RECQL: variants seen among roughly 807,000 people sequenced by gnomAD.
The protein encoded by RECQL is ATP-dependent DNA helicase Q1.
In RECQL, 73 loss-of-function variants were observed where a neutral mutation model predicts 75.8. That is an observed-to-expected ratio of 0.96 (90% CI 0.80 to 1.17). RECQL has a LOEUF of 1.17. RECQL is among the 50% of genes most tolerant of loss of function. The probability of loss-of-function intolerance (pLI) is 0.00; values close to 1 mark genes in which losing one functional copy is unlikely to be tolerated. For synonymous variants in RECQL, 248 were observed against 254.4 expected (o/e 0.97, Z 0.24); for missense variants, 699 against 772.1 (o/e 0.91, Z 1.12).
chr12:21,472,055 TAA>T (rs1245099445), intron 12 of RECQL, among the ~76,000 whole-genome samples: 1 of 152,044 alleles, frequency 6.6e-6, no homozygotes, highest in Non-Finnish European at 1.5e-5. Context: ...ACCCAATTAT[TAA>T]GAGACCAGTA....
chr12:21,491,799 G>C lies in RECQL; in HGVS notation c.17-83C>G. On this transcript the variant is annotated intron_variant, in intron 2 of 14. Coordinates refer to ENST00000444129, the MANE Select transcript of RECQL (RefSeq NM_002907.4). ...CCAGATTGATTTCTGGGTGTTGCCC[G>C]CCATATCAATTACAGACAAACTTGA... 2.4e-6 allele frequency: 3 copies of C among 1,232,628 alleles called. No homozygotes were observed. In the South Asian group the frequency reaches 4.6e-5, roughly 19 times the overall value. The allele number at this position is 1,232,628 out of a possible 1,614,324, so 76.4% of individuals were successfully genotyped here. A position where few individuals can be genotyped will look rare whatever the true frequency, so the allele number is the denominator to read the frequency against.
intron 3 of RECQL, among the ~76,000 whole-genome samples, chr12:21,490,803 G>A (rs1174186641): frequency 6.6e-6 from 1 of 152,118 alleles, no homozygotes; most frequent in African/African-American, 2.4e-5. Flanking sequence ...GCAGTGAGTT[G>A]TGGTTGTGCC....
At chr12:21,494,914 T>C (rs1943477370) in intron 2 of RECQL, among the ~76,000 whole-genome samples, 1 of 152,146 alleles carries the variant, frequency 6.6e-6, no homozygotes, top group African/African-American at 2.4e-5. Context: ...GGGCTAACCA[T>C]TGGCAATTGA....
chr12:21,470,952 A>T lies in RECQL; in HGVS notation c.1797+17T>A. On this transcript the variant is annotated intron_variant, in intron 14 of 14. Transcript: ENST00000444129. Reference sequence around the variant, plus strand: ...ACTTTTTAAAATATATAAAACTGAAAATTAATAGCCATTTACCCTGAAAGA... The same window carrying T: ...ACTTTTTAAAATATATAAAACTGAATATTAATAGCCATTTACCCTGAAAGA... 1 of 1,350,306 alleles carries T rather than the reference A, an allele frequency of 7.4e-7. No individual in the cohort carries two copies. The highest frequency in any genetic ancestry group is 9.9e-7 in the Non-Finnish European group (1 of 1,014,116). The allele number at this position is 1,350,306 out of a possible 1,614,324, so 83.6% of individuals were successfully genotyped here.
chr12:21,477,354 GA>G (rs1440036551), intron 7 of RECQL, among the ~76,000 whole-genome samples: 1 of 152,080 alleles, frequency 6.6e-6, no homozygotes, highest in Non-Finnish European at 1.5e-5. Context: ...TAGAAAGAAA[GA>G]AAAGACAGCT....
In RECQL at chr12:21,484,034, C is replaced by A. The variant is rs1943243981; in HGVS notation, c.502-460G>T. On this transcript the variant is annotated intron_variant, in intron 5 of 14. Coordinates refer to ENST00000444129, the MANE Select transcript of RECQL (RefSeq NM_002907.4). The stretch of plus-strand genomic sequence containing the variant: ...AACTTCTCAAATGATACCATCAAAT[C>A]TTTTAATCTCTTTATTTAAATATAA... 2.0e-5 allele frequency among the ~76,000 whole-genome samples: 3 copies of A among 152,088 alleles called. No homozygotes were observed. In the South Asian group the frequency reaches 6.2e-4, roughly 32 times the overall value.
chr12:21,486,615 T>TA (rs762088214), intron 4 of RECQL, 30 bp from the exon 5 acceptor site: 2 of 1,279,838 alleles, frequency 1.6e-6, no homozygotes, highest in Non-Finnish European at 2.2e-6. Flanking sequence ...AAATCTACCT[T>TA]AAACTTTACA....
intron 4 of RECQL, 71 bp from the exon 5 acceptor site, chr12:21,486,656 CGTTTTTTTTTTTTTTTTTTTT>C (rs1943307999): frequency 1.2e-5 from 2 of 161,210 alleles, no homozygotes; most frequent in Non-Finnish European, 9.9e-6. Flanking sequence ...AAACCATTCA[CGTTTTTTTTTTTTTTTTTTTT>C]TTTTTTTTTT....
intron 6 of RECQL, among the ~76,000 whole-genome samples, chr12:21,479,350 ATTTTTT>A (rs11366827): frequency 8.6e-6 from 1 of 116,312 alleles, no homozygotes. Flanking sequence ...TCATCATGTA[ATTTTTT>A]TTTTTTTTTT....
Position 21,475,656 on chromosome 12 carries a change from A to G in RECQL, c.1098+20T>C, listed in dbSNP as rs765742269. ...TATTTTAAAGGTAAATTAGGCTTCT[A>G]TGGAAGATATAGACCTAACCTGAAT... On this transcript the variant is annotated intron_variant, in intron 9 of 14. Coordinates refer to ENST00000444129, the MANE Select transcript of RECQL (RefSeq NM_002907.4). The G allele has an allele frequency of 2.5e-6, 4 of 1,611,852 alleles. No homozygotes were observed. The highest frequency in any genetic ancestry group is 1.3e-5 in the African/African-American group (1 of 74,822).
intron 11 of RECQL, 123 bp downstream of exon 11, chr12:21,474,718 T>C: frequency 1.1e-6 from 1 of 882,472 alleles, no homozygotes; most frequent in Non-Finnish European, 1.8e-6. Context: ...CCCTCCAACA[T>C]CTGCTTTTAT....
intron 5 of RECQL, 34 bp downstream of exon 5, chr12:21,486,445 T>G: frequency 6.5e-7 from 1 of 1,544,354 alleles, no homozygotes; most frequent in South Asian, 1.3e-5. Flanking sequence ...AGTGAATAGT[T>G]TACATTAAAA....
At chr12:21,495,047 G>A (rs760350034) in intron 2 of RECQL, among the ~76,000 whole-genome samples, 14 of 152,200 alleles carry the variant, frequency 9.2e-5, no homozygotes, top group Admixed American at 3.3e-4. Context: ...TCCCTGAAAC[G>A]GAAATAGATT....
chr12:21,471,729 G>T, intron 12 of RECQL, 82 bp from the exon 13 acceptor site: 1 of 1,093,306 alleles, frequency 9.1e-7, no homozygotes, highest in Non-Finnish European at 1.4e-6. Context: ...AGTTAAACTG[G>T]TTTAAAGCTG....
chr12:21,483,340 T>C (rs759240578), intron 6 of RECQL, 36 bp downstream of exon 6: 9 of 1,414,022 alleles, frequency 6.4e-6, no homozygotes, highest in Non-Finnish European at 3.0e-6. Flanking sequence ...ACACGGTCTA[T>C]GACATCAAAA....
At chr12:21,474,537 T>C (rs531366192) in intron 11 of RECQL, among the ~76,000 whole-genome samples, 1 of 152,184 alleles carries the variant, frequency 6.6e-6, no homozygotes, top group Admixed American at 6.5e-5. Context: ...CTTTTCAAAA[T>C]TATTAAATCA....
At chr12:21,481,769 AAAG>A (rs1264885418) in intron 6 of RECQL, among the ~76,000 whole-genome samples, 1 of 152,216 alleles carries the variant, frequency 6.6e-6, no homozygotes, top group Non-Finnish European at 1.5e-5. Flanking sequence ...TAATATTTAA[AAAG>A]AAGACAGGAA....
At chr12:21,486,855 T>C (rs1488428548) in intron 4 of RECQL, among the ~76,000 whole-genome samples, 1 of 151,692 alleles carries the variant, frequency 6.6e-6, no homozygotes, top group East Asian at 1.9e-4. Flanking sequence ...TGTATTTTAG[T>C]AGGGACAGGG....
intron 11 of RECQL, 96 bp downstream of exon 11, chr12:21,474,745 G>A (rs759052945): frequency 4.2e-6 from 5 of 1,200,570 alleles, no homozygotes; most frequent in Non-Finnish European, 6.0e-6. Context: ...GCACTTTGGT[G>A]TTCCACCAAT....
Sources: gnomAD v4.1 joint callset for allele counts (sites outside exome capture counted in the v4.1 genomes callset) on GRCh38, gnomAD v4.1.1 for gene constraint, MANE v1.5 for transcripts, NCBI Gene and HGNC (gene_info 2026-07-23, HGNC 2026-07-21) for gene names.